PCLO: variants seen among roughly 807,000 people sequenced by gnomAD.
PCLO encodes the protein piccolo presynaptic cytomatrix protein, also known as protein piccolo.
PCLO carries 82 observed loss-of-function variants against 427.5 expected under a neutral mutation model. The observed-to-expected ratio is 0.19, with a 90% CI of 0.16 to 0.23. PCLO has a LOEUF of 0.23. Ranked by LOEUF, PCLO falls within the 10% of genes least tolerant of loss-of-function variation. The pLI is 1.00. For synonymous variants in PCLO, 2,357 were observed against 2,155.4 expected (o/e 1.09, Z -2.59); for missense variants, 6,239 against 6,115.9 (o/e 1.02, Z -0.67).
chr7:82,887,954 CA>C (rs1349561163), intron 9 of PCLO, among the ~76,000 whole-genome samples: 1 of 151,958 alleles, frequency 6.6e-6, no homozygotes, highest in Non-Finnish European at 1.5e-5. Context: ...CCTGTAATCC[CA>C]CTTATTCGGG....
intron 4 of PCLO, among the ~76,000 whole-genome samples, chr7:82,962,197 T>C (rs979003815): frequency 6.6e-6 from 1 of 152,180 alleles, no homozygotes; most frequent in African/African-American, 2.4e-5. Flanking sequence ...ATTATGACAC[T>C]ATCACAAACC....
intron 3 of PCLO, among the ~76,000 whole-genome samples, chr7:83,052,229 T>C (rs575793690): frequency 1.6e-4 from 25 of 152,020 alleles, no homozygotes; most frequent in African/African-American, 4.8e-4. Flanking sequence ...AATGCATTAA[T>C]AGAGGAAATA....
In PCLO at chr7:82,954,419, G is replaced by C; in HGVS notation, c.6534C>G (p.Pro2178=). 6.2e-7 allele frequency: 1 copy of C among 1,613,928 alleles called. No individual in the cohort carries two copies. Among genetic ancestry groups the C allele is most frequent in the South Asian group, 1.1e-5 (1 of 91,084 alleles). ...ATGATGTGAGAGAAGGTGTGTCAGA[G>C]GGTGGGACAGATGTAGCACTTTCTG... ...EPSESATSVP[P]SDTPSLTSSV... is the part of the protein sequence containing the mutation. The change falls in exon 5 of 25, where the codon CCC becomes CCG. Residue 2178 remains proline (P), a synonymous_variant. Coordinates refer to ENST00000333891, the MANE Select transcript of PCLO (RefSeq NM_033026.6).
At position 82,955,272 on chromosome 7, in the gene PCLO, G is replaced by A; in HGVS notation, c.5681C>T (p.Ser1894Leu). ...CATAATAGATTGCTCATCTGTTGGTGAGTATAATGAAACAGCTGTGGGCAA... is the reference window on the plus strand; with the variant it reads ...CATAATAGATTGCTCATCTGTTGGTAAGTATAATGAAACAGCTGTGGGCAA... ...YKLPTAVSLY[S>L]PTDEQSIMQK... is the part of the protein sequence containing the mutation. The change falls in exon 5 of 25, where the codon TCA becomes TTA. Residue 1894 changes from serine to leucine, a missense_variant. Physicochemically the swap from Ser to Leu is moderately radical, Grantham distance 145. Coordinates refer to ENST00000333891, the MANE Select transcript of PCLO (RefSeq NM_033026.6). 1.9e-6 allele frequency: 3 copies of A among 1,613,332 alleles called. No individual in the cohort carries two copies. The highest frequency in any genetic ancestry group is 1.1e-5 in the South Asian group (1 of 90,982).
intron 3 of PCLO, among the ~76,000 whole-genome samples, chr7:83,112,718 C>T (rs1042093449): frequency 5.3e-5 from 8 of 152,060 alleles, no homozygotes; most frequent in Non-Finnish European, 1.2e-4. Context: ...TCCTTTCATA[C>T]ATAAAGAAAG....
intron 22 of PCLO, among the ~76,000 whole-genome samples, chr7:82,791,861 G>A (rs28391166): frequency 0.34 from 50,914 of 151,728 alleles, 8,916 homozygotes; most frequent in African/African-American, 0.38. Flanking sequence ...TTTCATTAAA[G>A]TAATAAACTA....
intron 3 of PCLO, among the ~76,000 whole-genome samples, chr7:83,129,305 T>C (rs1384993998): frequency 2.6e-5 from 4 of 152,180 alleles, no homozygotes; most frequent in African/African-American, 9.6e-5. Context: ...CAGTAATTGA[T>C]ATCAATTTAC....
intron 5 of PCLO, 105 bp downstream of exon 5, chr7:82,951,750 GA>G (rs1795355563): frequency 2.1e-5 from 30 of 1,450,938 alleles, no homozygotes; most frequent in Non-Finnish European, 2.6e-5. Context: ...CAAAGAAAGA[GA>G]AAAAGTAACA....
chr7:82,894,111 C>T (rs890194815), intron 9 of PCLO, among the ~76,000 whole-genome samples: 2 of 151,710 alleles, frequency 1.3e-5, no homozygotes, highest in African/African-American at 4.8e-5. Flanking sequence ...TCAGGAAATA[C>T]ATTATAAAAA....
chr7:83,056,490 G>C lies in PCLO; in HGVS notation c.3300+77760C>G, dbSNP rs574906628. On this transcript the variant is annotated intron_variant, in intron 3 of 24. Transcript: ENST00000333891. ...ATTAGTCAATATCCACGTCGAATGAGGATAATAAATGCACTTGTCTTTACA... is the reference window on the plus strand; with the variant it reads ...ATTAGTCAATATCCACGTCGAATGACGATAATAAATGCACTTGTCTTTACA... 2.0e-4 allele frequency among the ~76,000 whole-genome samples: 31 copies of C among 152,244 alleles called. No individual in the cohort carries two copies. In the South Asian group the frequency reaches 5.6e-3, roughly 27 times the overall value.
At chr7:82,881,488 C>T (rs1793507543) in intron 9 of PCLO, among the ~76,000 whole-genome samples, 1 of 152,098 alleles carries the variant, frequency 6.6e-6, no homozygotes, top group African/African-American at 2.4e-5. Flanking sequence ...ATAGTGACTT[C>T]AAAATGCTTT....
Position 82,909,062 on chromosome 7 carries a change from A to G in PCLO, c.13301-49T>C, listed in dbSNP as rs750601172. The G allele has an allele frequency of 1.9e-6, 3 of 1,593,760 alleles. No homozygotes were observed. The East Asian group carries it at 6.7e-5, about 36-fold the overall frequency. On this transcript the variant is annotated intron_variant, in intron 7 of 24. Transcript: ENST00000333891. ...TACATTGCAACGGCAAGTAATACAG[A>G]TGATTGAGGGAAGCAGATGTTCTGT...
intron 3 of PCLO, among the ~76,000 whole-genome samples, chr7:82,998,579 C>T (rs978489938): frequency 6.6e-6 from 1 of 151,744 alleles, no homozygotes; most frequent in Admixed American, 6.6e-5. Context: ...ATATCCTGTC[C>T]CATATAAAGG....
intron 10 of PCLO, among the ~76,000 whole-genome samples, chr7:82,859,468 T>C (rs1038425921): frequency 2.0e-5 from 3 of 152,280 alleles, no homozygotes; most frequent in East Asian, 3.9e-4. Flanking sequence ...TGTCTGGTAA[T>C]CCAGAGAATT....
intron 20 of PCLO, among the ~76,000 whole-genome samples, chr7:82,810,307 A>C (rs370770479): frequency 8.6e-5 from 13 of 151,746 alleles, no homozygotes; most frequent in African/African-American, 3.1e-4. Flanking sequence ...CTATGTGTGA[A>C]TGTATTACAC....
At chr7:82,977,377 CTTTTTTAT>C (rs754202858) in intron 3 of PCLO, among the ~76,000 whole-genome samples, 1,387 of 136,862 alleles carry the variant, frequency 0.01, 20 homozygotes, top group African/African-American at 0.032. Flanking sequence ...CAAAATTCAT[CTTTTTTAT>C]TTATTTATTT....
At chr7:82,919,168 A>G (rs1362977218) in intron 6 of PCLO, among the ~76,000 whole-genome samples, 1 of 151,994 alleles carries the variant, frequency 6.6e-6, no homozygotes, top group Admixed American at 6.6e-5. Flanking sequence ...GCAAACCACC[A>G]TGGCACGTGT....
chr7:83,024,436 A>G (rs546111256), intron 3 of PCLO, among the ~76,000 whole-genome samples: 1 of 152,244 alleles, frequency 6.6e-6, no homozygotes, highest in East Asian at 1.9e-4. Context: ...TATATCCCGC[A>G]CGTGGCTCGG....
intron 3 of PCLO, among the ~76,000 whole-genome samples, chr7:83,131,187 A>C (rs1791562487): frequency 6.6e-6 from 1 of 152,186 alleles, no homozygotes; most frequent in African/African-American, 2.4e-5. Flanking sequence ...ACTTGGCAGA[A>C]ATTAAAGCCT....
Sources: gnomAD v4.1 joint callset for allele counts (sites outside exome capture counted in the v4.1 genomes callset) on GRCh38, gnomAD v4.1.1 for gene constraint, MANE v1.5 for transcripts, NCBI Gene and HGNC (gene_info 2026-07-23, HGNC 2026-07-21) for gene names.